The following AKR1C2 variants were observed in gnomAD, a reference collection of about 807,000 sequenced individuals.
AKR1C2 encodes the protein aldo-keto reductase family 1 member C2, also known as 3-alpha-HSD3.
A neutral mutation model predicts 39.8 loss-of-function variants in AKR1C2; 27 were observed. The observed-to-expected ratio is 0.68, with a 90% CI of 0.50 to 0.93. The LOEUF (loss-of-function observed/expected upper bound fraction) is 0.93, where lower values mean the gene tolerates loss of function less well. AKR1C2 is among the 40% of genes least tolerant of loss of function. The pLI, the probability that AKR1C2 is intolerant of heterozygous loss-of-function variation, is 0.00. For synonymous variants in AKR1C2, 114 were observed against 137.9 expected, an observed-to-expected ratio of 0.83 and a Z score of 1.22; for missense variants, 263 against 365.1, an observed-to-expected ratio of 0.72 and a Z score of 2.28.
chr10:4,998,240 C>T (rs1357917835), intron 5 of AKR1C2, among the ~76,000 whole-genome samples: 2 of 150,830 alleles, frequency 1.3e-5, no homozygotes, highest in African/African-American at 2.4e-5. Flanking sequence ...TCCTTATGTA[C>T]TGTTCATTCC....
At chr10:5,013,568 C>G in intron 1 of AKR1C2, 2 of 183,028 alleles carry the variant, frequency 1.1e-5, no homozygotes, top group South Asian at 3.0e-4. Context: ...GTGATTGAAA[C>G]TGGACACCCT....
rs2275929 is a variant in AKR1C2 at position 5,000,472 on chromosome 10, C to T, written c.369+78G>A. On this transcript the variant is annotated intron_variant, in intron 3 of 8. Transcript: ENST00000380753. ...ATCCCTATGTCCTCCTAAGAAAAAGCTTAGTTCAAATCTCCATGAAAACAA... is the reference window on the plus strand; with the variant it reads ...ATCCCTATGTCCTCCTAAGAAAAAGTTTAGTTCAAATCTCCATGAAAACAA... 271,217 of 1,611,868 alleles carry T rather than the reference C, an allele frequency of 0.17. 24,249 individuals carry two copies. The highest frequency in any genetic ancestry group is 0.33 in the East Asian group (14,695 of 44,830).
upstream of AKR1C2, among the ~76,000 whole-genome samples, chr10:5,006,834 G>T (rs1837417404): frequency 2.0e-5 from 3 of 150,902 alleles, no homozygotes; most frequent in South Asian, 6.3e-4. Flanking sequence ...GGAGTGCAGT[G>T]GTACATCTCA....
chr10:5,001,731 T>G (rs782560703), intron 1 of AKR1C2, 50 bp from the exon 2 acceptor site: 15 of 1,609,590 alleles, frequency 9.3e-6, no homozygotes, highest in Non-Finnish European at 1.3e-5. Flanking sequence ...GCCTGAGAGT[T>G]AGTTCGGGCA....
At chr10:5,006,159 T>A (rs536783529), upstream of AKR1C2, 31 of 152,312 alleles carry the variant, frequency 2.0e-4, no homozygotes, top group African/African-American at 7.0e-4. Flanking sequence ...GAAGGGGAAG[T>A]GCAAACCCAT....
At chr10:4,997,592 A>G (rs1253007043) in intron 5 of AKR1C2, among the ~76,000 whole-genome samples, 1 of 152,050 alleles carries the variant, frequency 6.6e-6, no homozygotes, top group Non-Finnish European at 1.5e-5. Flanking sequence ...TTGAATATAA[A>G]TGGTAACATG....
At chr10:5,002,902 T>C (rs1474330401) in intron 1 of AKR1C2, among the ~76,000 whole-genome samples, 1 of 152,198 alleles carries the variant, frequency 6.6e-6, no homozygotes. Context: ...AAACCACTCC[T>C]GTCAATGGTC....
At chr10:4,996,078 C>T in intron 5 of AKR1C2, 2 of 698,112 alleles carry the variant, frequency 2.9e-6, no homozygotes, top group Non-Finnish European at 4.3e-6. Context: ...ACTCCATGAA[C>T]CCTATCCTGG....
At chr10:4,999,081 T>C in intron 4 of AKR1C2, 119 bp downstream of exon 4, 3 of 1,565,882 alleles carry the variant, frequency 1.9e-6, no homozygotes, top group Non-Finnish European at 1.7e-6. Flanking sequence ...AAACTACCTT[T>C]GTAAAGTTCC....
At chr10:4,994,288 T>C (rs1836953164) in intron 7 of AKR1C2, among the ~76,000 whole-genome samples, 1 of 152,118 alleles carries the variant, frequency 6.6e-6, no homozygotes, top group African/African-American at 2.4e-5. Flanking sequence ...TTCATATTCA[T>C]ACATATAACT....
At chr10:4,994,350 A>C (rs187837736) in intron 7 of AKR1C2, among the ~76,000 whole-genome samples, 1 of 152,288 alleles carries the variant, frequency 6.6e-6, no homozygotes, top group African/African-American at 2.4e-5. Flanking sequence ...AATTAGGAAC[A>C]TGCCCTCTAA....
intron 1 of AKR1C2, among the ~76,000 whole-genome samples, chr10:5,011,939 G>A (rs182635707): frequency 3.9e-5 from 6 of 152,302 alleles, no homozygotes; most frequent in African/African-American, 1.2e-4. Flanking sequence ...GGAAGTAGTT[G>A]CCTGAAGTAT....
chr10:5,002,998 A>T (rs1588306559), intron 1 of AKR1C2, among the ~76,000 whole-genome samples: 2 of 152,320 alleles, frequency 1.3e-5, no homozygotes, highest in East Asian at 3.9e-4. Flanking sequence ...CTATTCACAC[A>T]CATTGTATTC....
Position 4,988,621 on chromosome 10 carries a change from A to G in AKR1C2, c.*1375T>C, listed in dbSNP as rs373591926. 1 of 152,190 alleles carries G rather than the reference A, an allele frequency of 6.6e-6. No homozygotes were observed. Among genetic ancestry groups the G allele is most frequent in the African/African-American group, 2.4e-5 (1 of 41,444 alleles). 9.4% of individuals were successfully genotyped at this position (152,190 alleles called of 1,614,324 possible). On this transcript the variant is annotated 3_prime_UTR_variant, in exon 9 of 9. Coordinates refer to ENST00000380753, the MANE Select transcript of AKR1C2 (RefSeq NM_001393392.1). ...AGCTGCAAAACTTGCTGGGATGCCTATCAGCTCTGAGACATGGCTTGAGAA... is the reference window on the plus strand; with the variant it reads ...AGCTGCAAAACTTGCTGGGATGCCTGTCAGCTCTGAGACATGGCTTGAGAA...
At chr10:4,991,155 A>G (rs1554772191) in intron 8 of AKR1C2, among the ~76,000 whole-genome samples, 1 of 151,254 alleles carries the variant, frequency 6.6e-6, no homozygotes, top group Non-Finnish European at 1.5e-5. Context: ...TTTTGCATCT[A>G]CACTCTGCAT....
upstream of AKR1C2, chr10:5,004,739 C>T (rs1266127508): frequency 6.9e-6 from 1 of 144,988 alleles, no homozygotes; most frequent in Non-Finnish European, 1.5e-5. Flanking sequence ...TTACTTTATT[C>T]TCCCTTTGGA....
Position 4,989,910 on chromosome 10 carries a change from G to A in AKR1C2, c.*86C>T, listed in dbSNP as rs1468016017. 1 of 1,461,312 alleles carries A rather than the reference G, an allele frequency of 6.8e-7. No individual in the cohort carries two copies. The highest frequency in any genetic ancestry group is 1.4e-5 in the African/African-American group (1 of 70,588). 90.5% of individuals were successfully genotyped at this position (1,461,312 alleles called of 1,614,324 possible). ...CAGGAGAGATTTAACCAGAGGCGAT[G>A]TGTCCAGTCACCAGCATAGAGCCAT... On this transcript the variant is annotated 3_prime_UTR_variant, in exon 9 of 9. Coordinates refer to ENST00000380753, the MANE Select transcript of AKR1C2 (RefSeq NM_001393392.1).
intron 4 of AKR1C2, 57 bp downstream of exon 4, chr10:4,999,143 A>G (rs1554773506): frequency 7.0e-7 from 1 of 1,427,852 alleles, no homozygotes; most frequent in African/African-American, 1.4e-5. Flanking sequence ...AGAAGATAGG[A>G]AACAGATGTA....
intron 5 of AKR1C2, among the ~76,000 whole-genome samples, chr10:4,997,890 A>C (rs569940057): frequency 1.1e-4 from 16 of 152,336 alleles, no homozygotes; most frequent in African/African-American, 3.8e-4. Flanking sequence ...AGATGGAATT[A>C]TCTCTAGGCT....
Sources: gnomAD v4.1 joint callset for allele counts (sites outside exome capture counted in the v4.1 genomes callset) on GRCh38, gnomAD v4.1.1 for gene constraint, MANE v1.5 for transcripts, NCBI Gene and HGNC (gene_info 2026-07-23, HGNC 2026-07-21) for gene names.